The following SPAG17 variants were observed in gnomAD, a reference collection of about 807,000 sequenced individuals.
SPAG17 encodes the protein sperm associated antigen 17, also known as sperm-associated antigen 17.
A neutral mutation model predicts 273.6 loss-of-function variants in SPAG17; 169 were observed. That is an observed-to-expected ratio of 0.62 (90% CI 0.55 to 0.70). The LOEUF is 0.70. Among genes scored for constraint, SPAG17 ranks in the 30% least tolerant of loss-of-function variants. The pLI, the probability that SPAG17 is intolerant of heterozygous loss-of-function variation, is 0.00. For missense variants in SPAG17, 2,557 were observed against 2,627.8 expected, an observed-to-expected ratio of 0.97 and a Z score of 0.59; for synonymous variants, 825 against 873.2, an observed-to-expected ratio of 0.94 and a Z score of 0.97.
Position 118,094,441 on chromosome 1 carries a change from T to C in SPAG17, c.1012-1124A>G, listed in dbSNP as rs545630097. Among the ~76,000 whole-genome samples, 33 of 152,330 alleles carry C rather than the reference T, an allele frequency of 2.2e-4. No homozygotes were observed. The South Asian group carries it at 6.2e-3, about 29-fold the overall frequency. Reference sequence around the variant, plus strand: ...CATGCATTGAAGGGCATTTATTTGATGTAAAGCTTTTGTTACCTTGGTTCA... The same window carrying C: ...CATGCATTGAAGGGCATTTATTTGACGTAAAGCTTTTGTTACCTTGGTTCA... On this transcript the variant is annotated intron_variant, in intron 7 of 48. Transcript: ENST00000336338.
intron 3 of SPAG17, among the ~76,000 whole-genome samples, chr1:118,125,354 C>A (rs1657657860): frequency 6.6e-6 from 1 of 152,110 alleles, no homozygotes; most frequent in Non-Finnish European, 1.5e-5. Flanking sequence ...TCTATCACCT[C>A]AAACACTTAT....
intron 1 of SPAG17, among the ~76,000 whole-genome samples, chr1:118,169,705 C>G (rs1041621413): frequency 2.0e-5 from 3 of 152,114 alleles, no homozygotes; most frequent in African/African-American, 7.2e-5. Context: ...CTATATATAA[C>G]TTTCCTTATT....
intron 15 of SPAG17, chr1:118,076,624 TCTCCAGTTTAGA>T (rs1654122155): frequency 1.3e-5 from 2 of 152,222 alleles, no homozygotes; most frequent in Admixed American, 6.5e-5. Flanking sequence ...GCAGAAAAAG[TCTCCAGTTTAGA>T]AAATATGTTC....
intron 18 of SPAG17, among the ~76,000 whole-genome samples, chr1:118,064,687 G>A (rs1332096099): frequency 6.6e-6 from 1 of 150,482 alleles, no homozygotes; most frequent in African/African-American, 2.4e-5. Context: ...GTATACATAT[G>A]TAACAAACCT....
intron 44 of SPAG17, among the ~76,000 whole-genome samples, chr1:117,972,542 C>T (rs1314223276): frequency 1.3e-5 from 2 of 152,166 alleles, no homozygotes; most frequent in Non-Finnish European, 2.9e-5. Flanking sequence ...GGTCTGTGCC[C>T]TTATTATTCC....
intron 38 of SPAG17, among the ~76,000 whole-genome samples, chr1:117,989,507 G>A (rs911157274): frequency 2.0e-5 from 3 of 151,696 alleles, no homozygotes; most frequent in Non-Finnish European, 1.5e-5. Flanking sequence ...ATTCATGAGG[G>A]ATCCACCCCC....
intron 1 of SPAG17, among the ~76,000 whole-genome samples, chr1:118,173,497 C>A (rs927785652): frequency 2.6e-5 from 4 of 152,084 alleles, no homozygotes; most frequent in Admixed American, 6.5e-5. Flanking sequence ...TGGTCAGTGG[C>A]ATGCTTTTCG....
intron 1 of SPAG17, among the ~76,000 whole-genome samples, chr1:118,173,615 G>A (rs1191209928): frequency 2.0e-5 from 3 of 152,148 alleles, no homozygotes; most frequent in South Asian, 2.1e-4. Context: ...AAACTGTTGT[G>A]AGACACTAGG....
At chr1:118,075,368 T>C (rs151105220) in intron 15 of SPAG17, among the ~76,000 whole-genome samples, 29 of 152,296 alleles carry the variant, frequency 1.9e-4, no homozygotes, top group Non-Finnish European at 2.1e-4. Context: ...CAAACAGCCA[T>C]GTGAATGAAC....
At position 118,005,912 on chromosome 1, in the gene SPAG17, A is replaced by T; in HGVS notation, c.4588-310T>A. ...TAACATATTTTAGCTGAGGTTACAT[A>T]CATGTTTGGCCCTATTCATCCTATT... On this transcript the variant is annotated intron_variant, in intron 31 of 48. Coordinates refer to ENST00000336338, the MANE Select transcript of SPAG17 (RefSeq NM_206996.4). Among the ~76,000 whole-genome samples the T allele has an allele frequency of 1.3e-5, 2 of 152,262 alleles. 1 individual carries two copies. Among genetic ancestry groups the T allele is most frequent in the Middle Eastern group, 6.8e-3 (2 of 294 alleles).
intron 1 of SPAG17, among the ~76,000 whole-genome samples, chr1:118,181,280 C>CT (rs1660928228): frequency 6.6e-6 from 1 of 151,514 alleles, no homozygotes; most frequent in South Asian, 2.1e-4. Flanking sequence ...TAAGTCTTTT[C>CT]ATACCAGTAA....
chr1:117,986,766 C>T (rs1324160623), intron 40 of SPAG17, among the ~76,000 whole-genome samples: 2 of 152,108 alleles, frequency 1.3e-5, no homozygotes, highest in Non-Finnish European at 2.9e-5. Context: ...AAATATGGCA[C>T]CTTGACACAC....
At chr1:117,955,396 A>T in intron 48 of SPAG17, 1 of 1,596,950 alleles carries the variant, frequency 6.3e-7, no homozygotes, top group Non-Finnish European at 8.6e-7. Context: ...GTAATCTGTC[A>T]GCAAACATTT....
intron 23 of SPAG17, among the ~76,000 whole-genome samples, chr1:118,038,381 C>T (rs1005710816): frequency 5.9e-5 from 9 of 152,112 alleles, no homozygotes; most frequent in Non-Finnish European, 1.3e-4. Flanking sequence ...CCAACATGAA[C>T]ATACTCTTAC....
intron 20 of SPAG17, among the ~76,000 whole-genome samples, chr1:118,042,612 G>A (rs2101935718): frequency 6.6e-6 from 1 of 152,244 alleles, no homozygotes; most frequent in African/African-American, 2.4e-5. Context: ...CATCGAGGCA[G>A]GAAAATAGGG....
chr1:118,005,420 A>C lies in SPAG17; in HGVS notation c.4770T>G (p.Thr1590=), dbSNP rs201972628. Residue 1590 remains threonine, a synonymous_variant, in exon 32 of 49, where the codon ACT becomes ACG. Transcript: ENST00000336338. The stretch of plus-strand genomic sequence containing the variant: ...TACCAAAGGTGCACTTTACCTGAAA[A>C]GTGTTTCCCTCAGGATCCAGAACCT... ...ICEVLDPEGN[T]FQVMADGSIS... 21 of 1,602,758 alleles carry C rather than the reference A, an allele frequency of 1.3e-5. No individual in the cohort carries two copies. The highest frequency in any genetic ancestry group is 1.7e-5 in the Non-Finnish European group (20 of 1,175,362).
chr1:118,142,398 T>G (rs540113207), intron 3 of SPAG17, among the ~76,000 whole-genome samples: 51 of 152,282 alleles, frequency 3.3e-4, no homozygotes, highest in Admixed American at 2.5e-3. Flanking sequence ...GAACGTTGGT[T>G]GCACAACAAA....
At chr1:118,063,874 A>C (rs568210838) in intron 18 of SPAG17, among the ~76,000 whole-genome samples, 53 of 152,272 alleles carry the variant, frequency 3.5e-4, no homozygotes, top group African/African-American at 1.2e-3. Flanking sequence ...ACAATGAATT[A>C]AAACGAATTT....
intron 17 of SPAG17, among the ~76,000 whole-genome samples, chr1:118,068,977 A>T (rs1293459282): frequency 6.6e-6 from 1 of 152,108 alleles, no homozygotes; most frequent in African/African-American, 2.4e-5. Context: ...TGATATATAG[A>T]GAATGGATTA....
Sources: gnomAD v4.1 joint callset for allele counts (sites outside exome capture counted in the v4.1 genomes callset) on GRCh38, gnomAD v4.1.1 for gene constraint, MANE v1.5 for transcripts, NCBI Gene and HGNC (gene_info 2026-07-23, HGNC 2026-07-21) for gene names.